DNAJC24: variants seen among roughly 807,000 people sequenced by gnomAD.
DNAJC24 encodes dnaJ homolog subfamily C member 24.
DNAJC24 carries 17 observed loss-of-function variants against 18.0 expected under a neutral mutation model. The ratio of observed to expected loss-of-function variants is 0.94; its 90% CI spans 0.65 to 1.42. The LOEUF is 1.42. Among genes scored for constraint, DNAJC24 ranks in the 40% most tolerant of loss-of-function variants. The pLI is 0.00. For missense variants in DNAJC24, 158 were observed against 175.6 expected (o/e 0.90, Z 0.57); for synonymous variants, 55 against 57.7 (o/e 0.95, Z 0.21).
intron 2 of DNAJC24, among the ~76,000 whole-genome samples, chr11:31,413,326 C>CTTTTTTTTTTTTTTTTTTTTTTTTTTATT (rs1226979464): frequency 7.9e-6 from 1 of 126,374 alleles, no homozygotes. Flanking sequence ...TAAATACTAT[C>CTTTTTTTTTTTTTTTTTTTTTTTTTTATT]TTTTTTTTTT....
intron 2 of DNAJC24, among the ~76,000 whole-genome samples, chr11:31,391,187 T>C (rs1013755789): frequency 9.9e-5 from 15 of 152,210 alleles, no homozygotes; most frequent in African/African-American, 3.4e-4. Context: ...AAACTGGTTA[T>C]GGAAGGAACA....
intron 3 of DNAJC24, among the ~76,000 whole-genome samples, chr11:31,424,732 A>G (rs1191073643): frequency 1.3e-5 from 2 of 152,196 alleles, no homozygotes; most frequent in Non-Finnish European, 2.9e-5. Flanking sequence ...ATAATATCTG[A>G]CATACTTTAA....
At chr11:31,375,495 T>C (rs1952304573) in intron 2 of DNAJC24, among the ~76,000 whole-genome samples, 1 of 135,068 alleles carries the variant, frequency 7.4e-6, no homozygotes, top group Non-Finnish European at 1.7e-5. Flanking sequence ...TGAGAGAGAC[T>C]TGAACATGTT....
chr11:31,426,347 G>T lies in DNAJC24; in HGVS notation c.311G>T (p.Trp104Leu). The T allele has an allele frequency of 6.5e-7, 1 of 1,539,030 alleles. No homozygotes were observed. The highest frequency in any genetic ancestry group is 8.7e-7 in the Non-Finnish European group (1 of 1,147,040). Reference sequence around the variant, plus strand: ...CAAGTATATCTTGAAGAAATGTCTTGGAATGAAGGTTGGATTTTTTTTTTC... The same window carrying T: ...CAAGTATATCTTGAAGAAATGTCTTTGAATGAAGGTTGGATTTTTTTTTTC... ...DAQVYLEEMS[W>L]NEGDHSFYLS... The change falls in exon 4 of 5, where the codon TGG (tryptophan) becomes TTG (leucine). Residue 104 changes from tryptophan to leucine, a missense_variant. Trp to Leu is a moderately conservative substitution (Grantham distance 61, BLOSUM62 -2). Coordinates refer to ENST00000465995, the MANE Select transcript of DNAJC24 (RefSeq NM_181706.5).
chr11:31,395,945 C>T, intron 2 of DNAJC24, among the ~76,000 whole-genome samples: 1 of 152,056 alleles, frequency 6.6e-6, no homozygotes, highest in East Asian at 1.9e-4. Context: ...CTTTAATTTC[C>T]CCTTTCCATT....
intron 2 of DNAJC24, among the ~76,000 whole-genome samples, chr11:31,378,163 C>T (rs370587273): frequency 1.3e-5 from 2 of 151,768 alleles, no homozygotes; most frequent in East Asian, 3.9e-4. Context: ...ATCTTGATTA[C>T]AGGAAAGGTA....
intron 2 of DNAJC24, among the ~76,000 whole-genome samples, chr11:31,393,223 C>A (rs893823148): frequency 1.3e-5 from 2 of 152,122 alleles, no homozygotes; most frequent in Non-Finnish European, 2.9e-5. Context: ...CTCTTGACTT[C>A]AGGTTGTTTG....
At chr11:31,402,120 A>G (rs1402937723) in intron 2 of DNAJC24, among the ~76,000 whole-genome samples, 1 of 152,200 alleles carries the variant, frequency 6.6e-6, no homozygotes, top group African/African-American at 2.4e-5. Flanking sequence ...GGTGTAGCCT[A>G]CTACACATTG....
chr11:31,410,934 A>G (rs1253115671), intron 2 of DNAJC24, among the ~76,000 whole-genome samples: 6 of 152,336 alleles, frequency 3.9e-5, no homozygotes, highest in African/African-American at 1.4e-4. Flanking sequence ...CTAAACTGAT[A>G]TATTAATTAA....
intron 3 of DNAJC24, among the ~76,000 whole-genome samples, chr11:31,425,294 A>G (rs935766322): frequency 6.6e-6 from 1 of 152,202 alleles, no homozygotes; most frequent in African/African-American, 2.4e-5. Flanking sequence ...CTTGCAAACA[A>G]TCAAATGTAA....
chr11:31,372,817 T>C (rs1365817761), intron 2 of DNAJC24, among the ~76,000 whole-genome samples: 1 of 135,220 alleles, frequency 7.4e-6, no homozygotes, highest in Non-Finnish European at 1.7e-5. Flanking sequence ...GGATAATTCT[T>C]TGTTATTTCG....
intron 2 of DNAJC24, chr11:31,408,158 G>C (rs763381208): frequency 5.3e-5 from 24 of 456,012 alleles, no homozygotes; most frequent in Non-Finnish European, 8.8e-5. Context: ...TTGGAAGGAC[G>C]CATCTGTCAC....
intron 2 of DNAJC24, among the ~76,000 whole-genome samples, chr11:31,405,075 G>GTT (rs397848726): frequency 7.2e-5 from 6 of 83,800 alleles, no homozygotes; most frequent in Non-Finnish European, 1.7e-4. Context: ...TCTTTTTTTT[G>GTT]TTTTTTTTTT....
At chr11:31,394,833 A>G (rs1952529889) in intron 2 of DNAJC24, among the ~76,000 whole-genome samples, 2 of 152,158 alleles carry the variant, frequency 1.3e-5, no homozygotes, top group Non-Finnish European at 2.9e-5. Context: ...AGGAATTGAT[A>G]TGAAGGTAAA....
At chr11:31,389,530 AAG>A (rs1355167251) in intron 2 of DNAJC24, among the ~76,000 whole-genome samples, 3 of 152,206 alleles carry the variant, frequency 2.0e-5, no homozygotes, top group African/African-American at 2.4e-5. Flanking sequence ...ATTAGAGCTA[AAG>A]AGAGAGGTAG....
At chr11:31,428,256 A>G (rs1051750504) in intron 4 of DNAJC24, among the ~76,000 whole-genome samples, 2 of 152,174 alleles carry the variant, frequency 1.3e-5, no homozygotes, top group African/African-American at 2.4e-5. Flanking sequence ...TCCCATCCAT[A>G]GCCAATACAG....
chr11:31,384,530 C>T (rs1282654328), intron 2 of DNAJC24: 1 of 152,258 alleles, frequency 6.6e-6, no homozygotes, highest in Non-Finnish European at 1.5e-5. Context: ...GAAGTTGGCT[C>T]TGTTCATTTG....
intron 4 of DNAJC24, chr11:31,427,766 C>T (rs1462249736): frequency 6.6e-6 from 1 of 151,532 alleles, no homozygotes; most frequent in Non-Finnish European, 1.5e-5. Flanking sequence ...ATAGTGAAAA[C>T]TGGTTTTTAT....
intron 2 of DNAJC24, among the ~76,000 whole-genome samples, chr11:31,409,295 T>A (rs961897441): frequency 1.3e-5 from 2 of 152,210 alleles, no homozygotes; most frequent in Non-Finnish European, 2.9e-5. Flanking sequence ...TGCACAGATC[T>A]TAAGTGTTAA....
Sources: allele counts gnomAD v4.1 joint callset (sites outside exome capture counted in the v4.1 genomes callset), GRCh38; gene constraint gnomAD v4.1.1; transcripts MANE v1.5; gene names NCBI Gene and HGNC (gene_info 2026-07-23, HGNC 2026-07-21).